MALRD1: variants seen among roughly 807,000 people sequenced by gnomAD.
MALRD1 encodes MAM and LDL receptor class A domain containing 1, also known as MAM and LDL-receptor class A domain-containing protein 1.
In MALRD1, 247 loss-of-function variants were observed where a neutral mutation model predicts 242.1. That is an observed-to-expected ratio of 1.02 (90% CI 0.92 to 1.13). The LOEUF (loss-of-function observed/expected upper bound fraction) is 1.13. MALRD1 is among the 50% of genes most tolerant of loss of function. The pLI is 0.00. For missense variants in MALRD1, 2,989 were observed against 2,533.1 expected, an observed-to-expected ratio of 1.18 and a Z score of -3.86; for synonymous variants, 995 against 866.6, an observed-to-expected ratio of 1.15 and a Z score of -2.60.
At chr10:19,444,846 A>G (rs1467136522) in intron 28 of MALRD1, among the ~76,000 whole-genome samples, 2 of 152,136 alleles carry the variant, frequency 1.3e-5, no homozygotes, top group Non-Finnish European at 2.9e-5. Flanking sequence ...CTGAATTTGA[A>G]TGTTGGCCTG....
intron 36 of MALRD1, among the ~76,000 whole-genome samples, chr10:19,673,920 T>C (rs1451060865): frequency 6.6e-6 from 1 of 152,054 alleles, no homozygotes; most frequent in South Asian, 2.1e-4. Context: ...TGCGTGTGCA[T>C]GTATGTATCT....
At chr10:19,722,677 C>CT (rs2131912712) in intron 38 of MALRD1, 2 of 137,182 alleles carry the variant, frequency 1.5e-5, no homozygotes, top group South Asian at 4.9e-4. Flanking sequence ...CCTTATTGTT[C>CT]TTTATACCAA....
chr10:19,664,558 A>T (rs1841590184), intron 36 of MALRD1, among the ~76,000 whole-genome samples: 1 of 152,086 alleles, frequency 6.6e-6, no homozygotes, highest in Non-Finnish European at 1.5e-5. Flanking sequence ...CTTGTTTATT[A>T]AGTTAAAGGC....
At chr10:19,196,532 C>CTT (rs1285758994) in intron 14 of MALRD1, among the ~76,000 whole-genome samples, 37 of 83,672 alleles carry the variant, frequency 4.4e-4, no homozygotes, top group Admixed American at 1.1e-3. Context: ...GGGCACCACT[C>CTT]TTTGTTTTTT....
In MALRD1 at chr10:19,340,861, G is replaced by T. The variant is rs552706844; in HGVS notation, c.3902-6910G>T. Among the ~76,000 whole-genome samples the T allele has an allele frequency of 3.1e-3, 466 of 152,186 alleles. 1 individual carries two copies. Among genetic ancestry groups the T allele is most frequent in the Non-Finnish European group, 5.2e-3 (352 of 67,982 alleles). On this transcript the variant is annotated intron_variant, in intron 24 of 39. Transcript: ENST00000454679. ...TTAAATTTTGGTCTAGAGAGCATCA[G>T]CATCTTTGCCAGCATTGAGACCCCA...
chr10:19,549,393 G>T (rs1051449762), intron 32 of MALRD1, among the ~76,000 whole-genome samples: 3 of 152,140 alleles, frequency 2.0e-5, no homozygotes, highest in Admixed American at 2.0e-4. Context: ...GAGCAAGAAA[G>T]TCGATCGTGC....
chr10:19,126,535 G>A (rs1200392269), intron 7 of MALRD1, among the ~76,000 whole-genome samples: 1 of 151,804 alleles, frequency 6.6e-6, no homozygotes, highest in Non-Finnish European at 1.5e-5. Flanking sequence ...TGTTTTAAGT[G>A]TATACTTGCT....
At chr10:19,523,794 C>T (rs770124038) in intron 31 of MALRD1, among the ~76,000 whole-genome samples, 22 of 151,542 alleles carry the variant, frequency 1.5e-4, no homozygotes, top group Non-Finnish European at 2.8e-4. Context: ...CAACCAGAAG[C>T]TTCATTTTTG....
intron 5 of MALRD1, among the ~76,000 whole-genome samples, chr10:19,105,317 A>G (rs1481352468): frequency 6.6e-6 from 1 of 152,032 alleles, no homozygotes; most frequent in Non-Finnish European, 1.5e-5. Flanking sequence ...AGATTCATCC[A>G]TATTGTCACA....
chr10:19,665,008 C>T (rs1841614007), intron 36 of MALRD1, among the ~76,000 whole-genome samples: 1 of 152,004 alleles, frequency 6.6e-6, no homozygotes, highest in Admixed American at 6.6e-5. Flanking sequence ...ATATTTATAA[C>T]CTTTGTAAGA....
intron 18 of MALRD1, among the ~76,000 whole-genome samples, chr10:19,248,744 G>C (rs1298117904): frequency 6.6e-6 from 1 of 151,078 alleles, no homozygotes; most frequent in Non-Finnish European, 1.5e-5. Flanking sequence ...TAAATTGTGT[G>C]GGTCTCATTT....
chr10:19,491,812 A>G (rs1440911833), intron 30 of MALRD1, among the ~76,000 whole-genome samples, 167 bp downstream of exon 30: 1 of 152,208 alleles, frequency 6.6e-6, no homozygotes, highest in Non-Finnish European at 1.5e-5. Context: ...AGTATCAAAT[A>G]CAAATACAAA....
intron 38 of MALRD1, chr10:19,724,839 C>T (rs895687205): frequency 6.6e-6 from 1 of 152,092 alleles, no homozygotes; most frequent in African/African-American, 2.4e-5. Flanking sequence ...AAAGAATCCA[C>T]AAGAAAGCTA....
chr10:19,501,673 T>C (rs1012680469), intron 31 of MALRD1, among the ~76,000 whole-genome samples: 1 of 152,114 alleles, frequency 6.6e-6, no homozygotes, highest in Non-Finnish European at 1.5e-5. Context: ...TACATACTTG[T>C]TTATTAACAT....
At chr10:19,456,847 A>G (rs961390142) in intron 29 of MALRD1, among the ~76,000 whole-genome samples, 2 of 151,760 alleles carry the variant, frequency 1.3e-5, no homozygotes, top group Non-Finnish European at 2.9e-5. Flanking sequence ...ATCTCAGCTC[A>G]CTGCAACCTC....
In MALRD1 at chr10:19,348,804, C is replaced by T. The variant is rs1294105685; in HGVS notation, c.4149+786C>T. ...AAATTAAGTGTTCAGAGATCACAAGCACTCAGAGATCTCTTGCTTACAAGA... is the reference window on the plus strand; with the variant it reads ...AAATTAAGTGTTCAGAGATCACAAGTACTCAGAGATCTCTTGCTTACAAGA... On this transcript the variant is annotated intron_variant, in intron 25 of 39. Coordinates refer to ENST00000454679, the MANE Select transcript of MALRD1 (RefSeq NM_001142308.3). 2.0e-5 allele frequency among the ~76,000 whole-genome samples: 3 copies of T among 152,150 alleles called. No individual in the cohort carries two copies. In the East Asian group the frequency reaches 5.8e-4, roughly 29 times the overall value.
At chr10:19,051,921 C>CA (rs1178410946) in intron 1 of MALRD1, 2,290 of 62,760 alleles carry the variant, frequency 0.036, 447 homozygotes, top group Non-Finnish European at 0.047. Context: ...GACTCCGTCT[C>CA]AAAAAAAAAA....
At chr10:19,475,433 ACTTT>A (rs1836687792) in intron 29 of MALRD1, among the ~76,000 whole-genome samples, 1 of 152,104 alleles carries the variant, frequency 6.6e-6, no homozygotes, top group Non-Finnish European at 1.5e-5. Flanking sequence ...ATAATAATAA[ACTTT>A]CTTTAAATTT....
At chr10:19,062,293 G>GA (rs1834845637) in intron 1 of MALRD1, among the ~76,000 whole-genome samples, 1 of 152,176 alleles carries the variant, frequency 6.6e-6, no homozygotes, top group African/African-American at 2.4e-5. Context: ...TATTTAGGAA[G>GA]ATTTGCAGAA....
Sources: allele counts gnomAD v4.1 joint callset (sites outside exome capture counted in the v4.1 genomes callset), GRCh38; gene constraint gnomAD v4.1.1; transcripts MANE v1.5; gene names NCBI Gene and HGNC (gene_info 2026-07-23, HGNC 2026-07-21).